The following STX18 variants were observed in gnomAD, a reference collection of about 807,000 sequenced individuals.
The protein encoded by STX18 is syntaxin 18.
STX18 carries 40 observed loss-of-function variants against 50.1 expected under a neutral mutation model. The observed-to-expected ratio is 0.80, with a 90% confidence interval of 0.62 to 1.04. The LOEUF is 1.04. STX18 is among the 50% of genes least tolerant of loss of function. STX18 has a pLI of 0.00. For missense variants in STX18, 410 were observed against 415.8 expected (o/e 0.99, Z 0.12); for synonymous variants, 158 against 151.8 (o/e 1.04, Z -0.30).
chr4:4,445,898 T>G (rs1476782442), intron 5 of STX18, among the ~76,000 whole-genome samples: 2 of 152,232 alleles, frequency 1.3e-5, no homozygotes, highest in Admixed American at 6.5e-5. Flanking sequence ...AATTTAGAAA[T>G]TTGAAGGATT....
In STX18 at chr4:4,442,474, G is replaced by A. The variant is rs543965077; in HGVS notation, c.498-3965C>T. Among the ~76,000 whole-genome samples the A allele has an allele frequency of 3.9e-5, 6 of 152,146 alleles. No individual in the cohort carries two copies. In the East Asian group the frequency reaches 7.7e-4, roughly 20 times the overall value. On this transcript the variant is annotated intron_variant, in intron 5 of 10. Transcript: ENST00000306200. ...TCTACTAAAAATACAAAAATTAGCC[G>A]GGCGTGGTGGCACGCACCTGTAGTC...
intron 5 of STX18, among the ~76,000 whole-genome samples, chr4:4,449,347 G>A (rs1313324413): frequency 2.0e-5 from 3 of 151,894 alleles, no homozygotes; most frequent in African/African-American, 4.8e-5. Flanking sequence ...CACTGTGCAC[G>A]GCACCCCCCC....
chr4:4,424,329 GCTC>G (rs1725129009), intron 8 of STX18, among the ~76,000 whole-genome samples: 1 of 152,152 alleles, frequency 6.6e-6, no homozygotes. Context: ...TGGGAGCTGA[GCTC>G]CTGGCCAGGT....
At chr4:4,453,231 G>A (rs576723016) in intron 5 of STX18, among the ~76,000 whole-genome samples, 45 of 152,190 alleles carry the variant, frequency 3.0e-4, no homozygotes, top group Non-Finnish European at 5.9e-4. Flanking sequence ...TGGGTAAAAT[G>A]CTATCAAACA....
At chr4:4,462,910 A>G (rs972068899) in intron 2 of STX18, among the ~76,000 whole-genome samples, 8 of 152,196 alleles carry the variant, frequency 5.3e-5, no homozygotes, top group African/African-American at 1.2e-4. Context: ...TACTAAGATG[A>G]GAATCCATGC....
intron 7 of STX18, among the ~76,000 whole-genome samples, chr4:4,433,850 C>G (rs1463406256): frequency 1.3e-5 from 2 of 152,202 alleles, no homozygotes; most frequent in Non-Finnish European, 1.5e-5. Flanking sequence ...CTCAACAGAG[C>G]TGTCTTCATG....
At position 4,482,627 on chromosome 4, in the gene STX18, C is replaced by T. The variant is rs139112623; in HGVS notation, c.169-10921G>A. Reference sequence around the variant, plus strand: ...TCTGTTCCTGCACTTCCTGCAACCACCTGCGTGCCAGACCACAGAGCCTTT... The same window carrying T: ...TCTGTTCCTGCACTTCCTGCAACCATCTGCGTGCCAGACCACAGAGCCTTT... On this transcript the variant is annotated intron_variant, in intron 1 of 10. Coordinates refer to ENST00000306200, the MANE Select transcript of STX18 (RefSeq NM_016930.4). Among the ~76,000 whole-genome samples the T allele has an allele frequency of 1.4e-3, 214 of 152,352 alleles. 3 individuals carry two copies. The highest frequency in any genetic ancestry group is 0.014 in the Middle Eastern group (4 of 294).
chr4:4,465,521 C>T (rs542089414), intron 2 of STX18, among the ~76,000 whole-genome samples: 2 of 152,144 alleles, frequency 1.3e-5, no homozygotes, highest in African/African-American at 4.8e-5. Flanking sequence ...AACCAAATAC[C>T]ACATGTTCTC....
intron 7 of STX18, among the ~76,000 whole-genome samples, chr4:4,428,089 G>C (rs1204415507): frequency 2.0e-5 from 3 of 152,240 alleles, no homozygotes; most frequent in Non-Finnish European, 2.9e-5. Flanking sequence ...ACACTGACTT[G>C]TACCAGGTTT....
In STX18 at chr4:4,541,791, G is replaced by A; in HGVS notation, c.168+6C>T. 1.2e-6 allele frequency: 2 copies of A among 1,605,606 alleles called. No homozygotes were observed. Among genetic ancestry groups the A allele is most frequent in the Non-Finnish European group, 1.7e-6 (2 of 1,175,948 alleles). ...CAACCCGCCGTTTCCATAGCAACCA[G>A]CTCACCACTTCGCGGGCCCGGCTGG... is the stretch of plus-strand genomic sequence containing the variant. On this transcript the variant is annotated splice_donor_region_variant and intron_variant, in intron 1 of 10. Transcript: ENST00000306200.
rs879222950 is a variant in STX18, at chr4:4,419,227, C to G, written c.*807G>C. 6.6e-6 allele frequency: 1 copy of G among 152,238 alleles called. No homozygotes were observed. Among genetic ancestry groups the G allele is most frequent in the Non-Finnish European group, 1.5e-5 (1 of 68,044 alleles). 9.4% of individuals were successfully genotyped at this position (152,238 alleles called of 1,614,324 possible). On this transcript the variant is annotated 3_prime_UTR_variant, in exon 11 of 11. Coordinates refer to ENST00000306200, the MANE Select transcript of STX18 (RefSeq NM_016930.4). Reference sequence around the variant, plus strand: ...TTCCTGGAGGTCAGAAGCACAGGCACGAGAGAAGCAGGCCCGTTCTTCCGT... The same window carrying G: ...TTCCTGGAGGTCAGAAGCACAGGCAGGAGAGAAGCAGGCCCGTTCTTCCGT...
At chr4:4,493,605 C>G (rs562301399) in intron 1 of STX18, among the ~76,000 whole-genome samples, 2 of 152,266 alleles carry the variant, frequency 1.3e-5, no homozygotes, top group African/African-American at 4.8e-5. Context: ...GCAATTGGTC[C>G]TCCAAGTAAA....
intron 1 of STX18, among the ~76,000 whole-genome samples, chr4:4,520,071 C>T (rs970955741): frequency 1.3e-5 from 2 of 152,150 alleles, no homozygotes; most frequent in African/African-American, 4.8e-5. Flanking sequence ...CATTCCTTCA[C>T]AGTAAAACAT....
intron 1 of STX18, among the ~76,000 whole-genome samples, chr4:4,476,665 T>G (rs1728190287): frequency 6.6e-6 from 1 of 152,220 alleles, no homozygotes; most frequent in African/African-American, 2.4e-5. Flanking sequence ...TGTACTAGGA[T>G]TATGTTTTCA....
At chr4:4,435,260 T>TA in intron 6 of STX18, among the ~76,000 whole-genome samples, 1 of 152,114 alleles carries the variant, frequency 6.6e-6, no homozygotes, top group Non-Finnish European at 1.5e-5. Flanking sequence ...ATTTTTATTG[T>TA]AAAAAATACA....
At chr4:4,489,752 C>T (rs186156178) in intron 1 of STX18, among the ~76,000 whole-genome samples, 232 of 151,998 alleles carry the variant, frequency 1.5e-3, no homozygotes, top group African/African-American at 5.4e-3. Context: ...ATAATCACTC[C>T]GTAACATAAC....
At chr4:4,455,854 C>T (rs1212871168) in intron 5 of STX18, among the ~76,000 whole-genome samples, 1 of 152,178 alleles carries the variant, frequency 6.6e-6, no homozygotes, top group Non-Finnish European at 1.5e-5. Flanking sequence ...ATGCCTTTTC[C>T]TTTGCTGTTT....
intron 1 of STX18, among the ~76,000 whole-genome samples, chr4:4,503,370 T>TC (rs779221682): frequency 1.3e-5 from 2 of 152,218 alleles, no homozygotes; most frequent in Non-Finnish European, 2.9e-5. Flanking sequence ...GAGAGGCTCT[T>TC]CTGATAAAAT....
intron 1 of STX18, among the ~76,000 whole-genome samples, chr4:4,477,155 A>C (rs890479149): frequency 1.3e-5 from 2 of 152,236 alleles, no homozygotes; most frequent in African/African-American, 4.8e-5. Flanking sequence ...AGGCAGGAGA[A>C]TCACTTGAAC....
Sources: allele counts gnomAD v4.1 joint callset (sites outside exome capture counted in the v4.1 genomes callset), GRCh38; gene constraint gnomAD v4.1.1; transcripts MANE v1.5; gene names NCBI Gene and HGNC (gene_info 2026-07-23, HGNC 2026-07-21).